Variants in HMGB1 observed in about 807,000 individuals in gnomAD.
HMGB1 encodes the protein high mobility group protein B1.
For synonymous variants in HMGB1, 81 were observed against 84.0 expected, an observed-to-expected ratio of 0.96 and a Z score of 0.19; for missense variants, 79 against 253.5, an observed-to-expected ratio of 0.31 and a Z score of 4.67.
chr13:30,548,674 A>G (rs1286604819), intron 1 of HMGB1, among the ~76,000 whole-genome samples: 1 of 152,164 alleles, frequency 6.6e-6, no homozygotes, highest in South Asian at 2.1e-4. Flanking sequence ...TTGCCTCTTA[A>G]TGCTTCCACT....
At chr13:30,578,689 G>T (rs74898534) in intron 1 of HMGB1, among the ~76,000 whole-genome samples, 2,366 of 152,196 alleles carry the variant, frequency 0.016, 56 homozygotes, top group Middle Eastern at 0.044. Flanking sequence ...TAAGAAGAAA[G>T]TCTAACCTCC....
At chr13:30,602,778 C>T (rs772218479) in intron 1 of HMGB1, among the ~76,000 whole-genome samples, 39 of 152,142 alleles carry the variant, frequency 2.6e-4, no homozygotes, top group Non-Finnish European at 5.0e-4. Flanking sequence ...GACCTTACCT[C>T]GTTTTGTTTT....
intron 4 of HMGB1, 192 bp downstream of exon 4, chr13:30,462,346 G>T: frequency 1.5e-6 from 1 of 668,650 alleles, no homozygotes; most frequent in East Asian, 2.8e-5. Flanking sequence ...GCCTTTGTCT[G>T]AGTCTGATTA....
At chr13:30,604,995 G>A (rs1034963939) in intron 1 of HMGB1, among the ~76,000 whole-genome samples, 2 of 152,126 alleles carry the variant, frequency 1.3e-5, no homozygotes, top group Non-Finnish European at 2.9e-5. Context: ...TATTCGCTGA[G>A]GGATTAAATG....
At chr13:30,542,147 A>G (rs1038071871) in intron 1 of HMGB1, 3 of 156,460 alleles carry the variant, frequency 1.9e-5, no homozygotes, top group African/African-American at 7.3e-5. Flanking sequence ...AGGCTCTTCC[A>G]TGGTCTCCTA....
chr13:30,488,246 A>C (rs1887406191), intron 1 of HMGB1, among the ~76,000 whole-genome samples: 1 of 152,220 alleles, frequency 6.6e-6, no homozygotes, highest in Admixed American at 6.5e-5. Flanking sequence ...CCGACCAGTA[A>C]ACTTCAAATA....
intron 1 of HMGB1, among the ~76,000 whole-genome samples, chr13:30,566,074 T>C (rs9579605): frequency 0.11 from 16,286 of 152,182 alleles, 2,912 homozygotes; most frequent in African/African-American, 0.37. Flanking sequence ...CTGAGTACCA[T>C]GGAGCATCGC....
chr13:30,470,159 T>C (rs1388759505), upstream of HMGB1, among the ~76,000 whole-genome samples: 1 of 152,130 alleles, frequency 6.6e-6, no homozygotes, highest in East Asian at 1.9e-4. Flanking sequence ...CCCAAAATGT[T>C]GGGATTACAG....
chr13:30,571,356 G>T (rs1340107741), intron 1 of HMGB1, among the ~76,000 whole-genome samples: 1 of 150,396 alleles, frequency 6.6e-6, no homozygotes, highest in African/African-American at 2.5e-5. Flanking sequence ...GTGCAGTGGC[G>T]CAATCTTGGC....
intron 1 of HMGB1, among the ~76,000 whole-genome samples, chr13:30,590,491 C>A (rs576469355): frequency 2.0e-5 from 3 of 152,208 alleles, no homozygotes; most frequent in South Asian, 2.1e-4. Context: ...GTGTGAGTCA[C>A]CACGCCCGGC....
At chr13:30,564,808 A>G (rs1870120861) in intron 1 of HMGB1, among the ~76,000 whole-genome samples, 1 of 152,244 alleles carries the variant, frequency 6.6e-6, no homozygotes, top group Non-Finnish European at 1.5e-5. Flanking sequence ...CTGGAGGCAG[A>G]AAGAGAAGTT....
intron 1 of HMGB1, among the ~76,000 whole-genome samples, chr13:30,534,458 A>C (rs1593295058): frequency 6.6e-6 from 1 of 152,116 alleles, no homozygotes; most frequent in African/African-American, 2.4e-5. Flanking sequence ...TTCCCCACAC[A>C]TATTTAAGGA....
chr13:30,515,845 A>G (rs1262871025), intron 1 of HMGB1, among the ~76,000 whole-genome samples: 1 of 152,216 alleles, frequency 6.6e-6, no homozygotes, highest in Non-Finnish European at 1.5e-5. Context: ...AATATTTTAC[A>G]AACTAAGGTA....
At chr13:30,507,102 G>T (rs1887886641) in intron 1 of HMGB1, among the ~76,000 whole-genome samples, 1 of 152,164 alleles carries the variant, frequency 6.6e-6, no homozygotes, top group African/African-American at 2.4e-5. Flanking sequence ...TCCTGAGCCT[G>T]ACTACCACTC....
chr13:30,586,015 A>G (rs1444535366), intron 1 of HMGB1, among the ~76,000 whole-genome samples: 1 of 152,132 alleles, frequency 6.6e-6, no homozygotes, highest in Non-Finnish European at 1.5e-5. Context: ...AAGGCCATCA[A>G]TGACGTTCAT....
intron 1 of HMGB1, among the ~76,000 whole-genome samples, chr13:30,505,160 T>G (rs1246448418): frequency 6.8e-6 from 1 of 147,932 alleles, no homozygotes; most frequent in Non-Finnish European, 1.5e-5. Flanking sequence ...ATTTATATAT[T>G]TGTTGTTGTC....
intron 1 of HMGB1, among the ~76,000 whole-genome samples, chr13:30,558,279 G>T (rs1282141244): frequency 6.6e-6 from 1 of 152,100 alleles, no homozygotes; most frequent in African/African-American, 2.4e-5. Flanking sequence ...AGGTAAAAAT[G>T]ATAAAATAAA....
chr13:30,537,455 G>A (rs550466884), intron 1 of HMGB1, among the ~76,000 whole-genome samples: 2 of 151,726 alleles, frequency 1.3e-5, no homozygotes, highest in Non-Finnish European at 2.9e-5. Context: ...CCTGCTCCTC[G>A]TGAGAACTGC....
chr13:30,466,303 C>CT (rs1030556907), upstream of HMGB1, among the ~76,000 whole-genome samples: 4 of 151,912 alleles, frequency 2.6e-5, no homozygotes, highest in East Asian at 1.9e-4. Context: ...GTCTCCCCCC[C>CT]CCTTCTTGCC....
Sources: allele counts gnomAD v4.1 joint callset (sites outside exome capture counted in the v4.1 genomes callset), GRCh38; gene constraint gnomAD v4.1.1; transcripts MANE v1.5; gene names NCBI Gene and HGNC (gene_info 2026-07-23, HGNC 2026-07-21).